Variants in CNTNAP5 observed in about 807,000 individuals in gnomAD.
The protein encoded by CNTNAP5 is contactin associated protein family member 5, also known as contactin-associated protein-like 5.
In CNTNAP5, 72 loss-of-function variants were observed where a neutral mutation model predicts 150.2. That is an observed-to-expected ratio of 0.48 (90% CI 0.40 to 0.58). The LOEUF is 0.58. Ranked by LOEUF, CNTNAP5 falls within the 20% of genes least tolerant of loss-of-function variation. The pLI, the probability that CNTNAP5 is intolerant of heterozygous loss-of-function variation, is 0.00. For missense variants in CNTNAP5, 1,636 were observed against 1,626.2 expected, an observed-to-expected ratio of 1.01 and a Z score of -0.10; for synonymous variants, 672 against 619.8, an observed-to-expected ratio of 1.08 and a Z score of -1.25.
chr2:124,753,041 T>G (rs551155740), intron 14 of CNTNAP5, among the ~76,000 whole-genome samples: 1 of 152,310 alleles, frequency 6.6e-6, no homozygotes, highest in South Asian at 2.1e-4. Context: ...GAACATTCTT[T>G]TATTTATTTT....
At position 124,639,549 on chromosome 2, in the gene CNTNAP5, A is replaced by G. The variant is rs533717039; in HGVS notation, c.1877-8209A>G. ...AAAAGACAAAGGCTAGCCCTTTGCAATCAGCTCACTAGCTCATGACGTCCT... is the reference window on the plus strand; with the variant it reads ...AAAAGACAAAGGCTAGCCCTTTGCAGTCAGCTCACTAGCTCATGACGTCCT... On this transcript the variant is annotated intron_variant, in intron 12 of 23. Coordinates refer to ENST00000682447, the MANE Select transcript of CNTNAP5 (RefSeq NM_001367498.1). Among the ~76,000 whole-genome samples the G allele has an allele frequency of 3.3e-5, 5 of 152,258 alleles. No homozygotes were observed. In the South Asian group the frequency reaches 1.0e-3, roughly 32 times the overall value.
chr2:124,748,524 G>C (rs184578371), intron 14 of CNTNAP5, among the ~76,000 whole-genome samples: 4 of 152,142 alleles, frequency 2.6e-5, no homozygotes, highest in Admixed American at 2.6e-4. Context: ...TTTGGTTTTG[G>C]CTTAGCAATT....
intron 1 of CNTNAP5, among the ~76,000 whole-genome samples, chr2:124,136,598 CA>C (rs1683980154): frequency 6.6e-6 from 1 of 152,118 alleles, no homozygotes; most frequent in Non-Finnish European, 1.5e-5. Flanking sequence ...GAGTGAAAAA[CA>C]GAATGTTTGT....
At chr2:124,492,515 C>T (rs909925869) in intron 7 of CNTNAP5, among the ~76,000 whole-genome samples, 1 of 152,040 alleles carries the variant, frequency 6.6e-6, no homozygotes, top group East Asian at 1.9e-4. Context: ...AAATGTGGTG[C>T]TTTCAGCTTT....
intron 5 of CNTNAP5, among the ~76,000 whole-genome samples, chr2:124,440,384 C>A (rs1331261096): frequency 6.6e-6 from 1 of 152,000 alleles, no homozygotes. Context: ...ATGAGAGTTC[C>A]CATCCCCTTT....
chr2:124,843,082 G>T (rs1248079453), intron 19 of CNTNAP5, among the ~76,000 whole-genome samples: 1 of 152,000 alleles, frequency 6.6e-6, no homozygotes, highest in Non-Finnish European at 1.5e-5. Flanking sequence ...AGTCCCCAAA[G>T]TCCATTGTAT....
At chr2:124,251,294 C>G (rs1031509591) in intron 3 of CNTNAP5, among the ~76,000 whole-genome samples, 4 of 151,288 alleles carry the variant, frequency 2.6e-5, no homozygotes, top group African/African-American at 9.7e-5. Context: ...TTTCCCCCAC[C>G]CCCCCAAGTA....
At chr2:124,285,407 A>G (rs547806860) in intron 3 of CNTNAP5, among the ~76,000 whole-genome samples, 58 of 152,260 alleles carry the variant, frequency 3.8e-4, no homozygotes, top group Non-Finnish European at 8.8e-5. Context: ...AGGAAACTAG[A>G]TTATATGGAG....
chr2:124,716,229 A>T (rs1204624413), intron 13 of CNTNAP5, among the ~76,000 whole-genome samples: 3 of 152,176 alleles, frequency 2.0e-5, no homozygotes, highest in Non-Finnish European at 4.4e-5. Context: ...AACTCCAAAT[A>T]TTTAAATAAA....
At chr2:124,209,845 A>G (rs1014609205) in intron 1 of CNTNAP5, among the ~76,000 whole-genome samples, 1 of 152,172 alleles carries the variant, frequency 6.6e-6, no homozygotes, top group African/African-American at 2.4e-5. Flanking sequence ...TTGCCTGGAG[A>G]GATCAAGGAA....
At chr2:124,210,101 G>T (rs1685968411) in intron 1 of CNTNAP5, among the ~76,000 whole-genome samples, 1 of 152,074 alleles carries the variant, frequency 6.6e-6, no homozygotes, top group Non-Finnish European at 1.5e-5. Flanking sequence ...AGTGAACTCA[G>T]GTCAGTCATC....
intron 22 of CNTNAP5, among the ~76,000 whole-genome samples, chr2:124,908,342 A>C (rs1000497283): frequency 2.6e-5 from 4 of 152,040 alleles, no homozygotes; most frequent in African/African-American, 9.7e-5. Context: ...CTGCACTCCA[A>C]CCTAAATGAC....
intron 3 of CNTNAP5, among the ~76,000 whole-genome samples, chr2:124,370,627 G>A (rs182872801): frequency 3.7e-4 from 57 of 152,166 alleles, no homozygotes; most frequent in Non-Finnish European, 5.6e-4. Flanking sequence ...TAATGAATAC[G>A]AAGTACAAAC....
intron 1 of CNTNAP5, among the ~76,000 whole-genome samples, chr2:124,071,214 G>A (rs1682295876): frequency 6.6e-6 from 1 of 151,754 alleles, no homozygotes; most frequent in Non-Finnish European, 1.5e-5. Context: ...TCATACTGAA[G>A]AGGGAAGTTT....
intron 1 of CNTNAP5, among the ~76,000 whole-genome samples, chr2:124,135,368 T>A (rs17010906): frequency 0.025 from 3,864 of 152,320 alleles, 181 homozygotes; most frequent in African/African-American, 0.087. Context: ...CAAAGGGACC[T>A]TGGGCTGGCC....
At chr2:124,077,704 T>C (rs1682470857) in intron 1 of CNTNAP5, among the ~76,000 whole-genome samples, 2 of 152,208 alleles carry the variant, frequency 1.3e-5, no homozygotes, top group South Asian at 4.1e-4. Context: ...TCCTGATTCT[T>C]TGTCCTCAAT....
intron 13 of CNTNAP5, among the ~76,000 whole-genome samples, chr2:124,652,704 A>G (rs1426275780): frequency 6.6e-6 from 1 of 152,128 alleles, no homozygotes; most frequent in Non-Finnish European, 1.5e-5. Flanking sequence ...TGGGCATTGG[A>G]AGGCCTCCCT....
chr2:124,610,829 T>C (rs909798291), intron 12 of CNTNAP5, among the ~76,000 whole-genome samples: 1 of 151,918 alleles, frequency 6.6e-6, no homozygotes, highest in Admixed American at 6.6e-5. Flanking sequence ...TGCGGTGGCA[T>C]GTGACTAATC....
At chr2:124,591,206 G>C (rs1255079571) in intron 11 of CNTNAP5, among the ~76,000 whole-genome samples, 1 of 152,088 alleles carries the variant, frequency 6.6e-6, no homozygotes, top group Non-Finnish European at 1.5e-5. Flanking sequence ...GACAAATCTT[G>C]TTACTGATAA....
Sources: allele counts gnomAD v4.1 joint callset (sites outside exome capture counted in the v4.1 genomes callset), GRCh38; gene constraint gnomAD v4.1.1; transcripts MANE v1.5; gene names NCBI Gene and HGNC (gene_info 2026-07-23, HGNC 2026-07-21).